DNAH8: variants seen among roughly 807,000 people sequenced by gnomAD.
The protein encoded by DNAH8 is axonemal beta dynein heavy chain 8.
A neutral mutation model predicts 562.1 loss-of-function variants in DNAH8; 382 were observed. The observed-to-expected ratio is 0.68, with a 90% CI of 0.63 to 0.74. The LOEUF (loss-of-function observed/expected upper bound fraction) is 0.74, where lower values mean the gene tolerates loss of function less well. DNAH8 is among the 30% of genes least tolerant of loss of function. DNAH8 has a pLI of 0.00. For synonymous variants in DNAH8, 1,881 were observed against 1,919.4 expected (o/e 0.98, Z 0.52); for missense variants, 5,203 against 5,620.4 (o/e 0.93, Z 2.37).
chr6:38,890,373 C>T (rs1199231011), intron 57 of DNAH8, among the ~76,000 whole-genome samples: 1 of 152,162 alleles, frequency 6.6e-6, no homozygotes, highest in Non-Finnish European at 1.5e-5. Context: ...TTACTAAGCT[C>T]ATGTTAAAAT....
chr6:38,900,884 T>C (rs1420855762), intron 62 of DNAH8, among the ~76,000 whole-genome samples: 2 of 152,202 alleles, frequency 1.3e-5, no homozygotes, highest in Non-Finnish European at 2.9e-5. Flanking sequence ...CCCAAAATTA[T>C]AGGCGTGAGC....
intron 82 of DNAH8, among the ~76,000 whole-genome samples, chr6:38,970,931 C>G (rs778387740): frequency 6.6e-6 from 1 of 152,174 alleles, no homozygotes. Context: ...TGTATTATCT[C>G]TGGAATTATG....
chr6:38,874,068 TTTTC>T lies in DNAH8; in HGVS notation c.7620+718_7620+721del, dbSNP rs1554124175. On this transcript the variant is annotated intron_variant, in intron 52 of 92. Transcript: ENST00000327475. ...TTTCTTTCTTTCTTTCTTTCTTTCT[TTTTC>T]TTTCTTTCTTTCTTTCTTTCTTTCT... Among the ~76,000 whole-genome samples, 147 of 57,076 alleles carry T rather than the reference TTTTC, an allele frequency of 2.6e-3. 26 individuals carry two copies. The highest frequency in any genetic ancestry group is 0.015 in the East Asian group (13 of 856). The allele number at this position is 57,076 out of a possible 152,430, so 37.4% of individuals were successfully genotyped here.
intron 75 of DNAH8, among the ~76,000 whole-genome samples, chr6:38,930,327 A>G (rs543772796): frequency 2.6e-5 from 4 of 152,246 alleles, no homozygotes; most frequent in Admixed American, 2.6e-4. Flanking sequence ...CTTAAGTTTT[A>G]TAACAGCATT....
At position 38,789,774 on chromosome 6, in the gene DNAH8, A is replaced by G. The variant is rs373419821; in HGVS notation, c.2584-29A>G. ...GACTGCTACTTTAAAATGAATTAAA[A>G]TAAAACATGCCATTTCAACTTCCTA... On this transcript the variant is annotated intron_variant, in intron 18 of 92. Coordinates refer to ENST00000327475, the MANE Select transcript of DNAH8 (RefSeq NM_001206927.2). 34 of 1,509,864 alleles carry G rather than the reference A, an allele frequency of 2.3e-5. No individual in the cohort carries two copies. In the African/African-American group the frequency reaches 3.9e-4, roughly 17 times the overall value. 93.5% of individuals were successfully genotyped at this position (1,509,864 alleles called of 1,614,324 possible).
intron 80 of DNAH8, among the ~76,000 whole-genome samples, 184 bp from the exon 81 acceptor site, chr6:38,949,268 G>A (rs1213059758): frequency 6.6e-6 from 1 of 152,182 alleles, no homozygotes; most frequent in East Asian, 1.9e-4. Context: ...GGAAGAACTG[G>A]AAGGGAATAG....
rs774576655 is a variant in DNAH8 at position 38,814,065 on chromosome 6, G to A, written c.3269G>A (p.Arg1090Gln). The change falls in exon 25 of 93, where the codon CGA becomes CAA. Residue 1090 changes from arginine (R) to glutamine (Q), a missense_variant. Transcript: ENST00000327475. ...CCATCTCATTGCAGCCTTTATGGGC[G>A]AAAGCAGTCAGAAGATATTATTTCC... Reference protein sequence around the residue: ...RRIFVASLYGRKQSEDIISFI... With the variant: ...RRIFVASLYGQKQSEDIISFI... 1.1e-5 allele frequency: 18 copies of A among 1,590,830 alleles called. No homozygotes were observed. Among genetic ancestry groups the A allele is most frequent in the Middle Eastern group, 1.7e-4 (1 of 6,044 alleles).
intron 10 of DNAH8, among the ~76,000 whole-genome samples, chr6:38,761,133 C>T (rs907391245): frequency 1.2e-4 from 18 of 145,396 alleles, no homozygotes; most frequent in South Asian, 8.5e-4. Flanking sequence ...ATTATACTTT[C>T]AGTTTTAGGG....
At chr6:38,737,432 G>C (rs1193039051) in intron 6 of DNAH8, among the ~76,000 whole-genome samples, 176 bp downstream of exon 6, 1 of 151,962 alleles carries the variant, frequency 6.6e-6, no homozygotes, top group African/African-American at 2.4e-5. Context: ...GGTGGAGTAA[G>C]ATATATTTTC....
rs1769749115 is a variant in DNAH8 at position 38,791,587 on chromosome 6, A to G, written c.2814A>G (p.Thr938=). 1 of 1,613,502 alleles carries G rather than the reference A, an allele frequency of 6.2e-7. No homozygotes were observed. The highest frequency in any genetic ancestry group is 8.5e-7 in the Non-Finnish European group (1 of 1,179,840). The part of the protein sequence containing the change: ...ISDLCEMHID[T]VLKEIAKTVL... ...ACTTGTGTGAAATGCATATTGATAC[A>G]GTTCTGAAGGAGATAGCCAAAACTG... Residue 938 remains threonine, a synonymous_variant, in exon 21 of 93, where the codon ACA becomes ACG. Coordinates refer to ENST00000327475, the MANE Select transcript of DNAH8 (RefSeq NM_001206927.2).
intron 37 of DNAH8, among the ~76,000 whole-genome samples, chr6:38,849,730 A>T (rs2150385347): frequency 6.6e-6 from 1 of 152,324 alleles, no homozygotes; most frequent in Admixed American, 6.5e-5. Context: ...GCAGCTAAGT[A>T]CAAAGCTTAA....
chr6:38,814,578 C>CAAA (rs35179985), intron 25 of DNAH8, among the ~76,000 whole-genome samples: 3 of 145,306 alleles, frequency 2.1e-5, no homozygotes, highest in East Asian at 4.0e-4. Context: ...AAGACTCTGT[C>CAAA]AAAAAAAAAA....
At chr6:38,719,101 A>G (rs1337530396) in intron 1 of DNAH8, among the ~76,000 whole-genome samples, 1 of 152,170 alleles carries the variant, frequency 6.6e-6, no homozygotes, top group Non-Finnish European at 1.5e-5. Flanking sequence ...TGATTCATAT[A>G]GGTTACTTTA....
intron 86 of DNAH8, among the ~76,000 whole-genome samples, chr6:38,982,749 A>G (rs1764121282): frequency 6.6e-6 from 1 of 152,234 alleles, no homozygotes; most frequent in East Asian, 1.9e-4. Context: ...CTTTAGGTCA[A>G]GCTTCTCCTC....
intron 21 of DNAH8, among the ~76,000 whole-genome samples, 167 bp downstream of exon 21, chr6:38,791,841 A>G (rs1270525496): frequency 6.6e-6 from 1 of 152,120 alleles, no homozygotes; most frequent in Non-Finnish European, 1.5e-5. Context: ...TTCAATAGCA[A>G]GAGCCCTGGC....
chr6:38,892,375 C>A (rs1285555985), intron 58 of DNAH8, among the ~76,000 whole-genome samples: 2 of 152,198 alleles, frequency 1.3e-5, no homozygotes, highest in Non-Finnish European at 1.5e-5. Context: ...CATGTCCAAA[C>A]AGAACTCCTA....
At chr6:38,897,338 G>T (rs954919343) in intron 60 of DNAH8, among the ~76,000 whole-genome samples, 5 of 152,174 alleles carry the variant, frequency 3.3e-5, no homozygotes, top group African/African-American at 1.2e-4. Flanking sequence ...AATGGCAGGG[G>T]TGAGTAGAGA....
intron 74 of DNAH8, among the ~76,000 whole-genome samples, chr6:38,928,539 A>AT (rs199575332): frequency 4.0e-5 from 6 of 151,754 alleles, no homozygotes; most frequent in Non-Finnish European, 5.9e-5. Context: ...CATGTGCAGA[A>AT]TTTTTTTTTA....
At chr6:38,950,963 T>A (rs1761860946) in intron 81 of DNAH8, among the ~76,000 whole-genome samples, 4 of 152,186 alleles carry the variant, frequency 2.6e-5, no homozygotes, top group Admixed American at 2.6e-4. Context: ...CACAAATGCT[T>A]GCTGACCCAC....
Sources: allele counts gnomAD v4.1 joint callset (sites outside exome capture counted in the v4.1 genomes callset), GRCh38; gene constraint gnomAD v4.1.1; transcripts MANE v1.5; gene names NCBI Gene and HGNC (gene_info 2026-07-23, HGNC 2026-07-21).